P2RX7: variants seen among roughly 807,000 people sequenced by gnomAD.
The protein encoded by P2RX7 is P2X purinoceptor 7.
P2RX7 carries 62 observed loss-of-function variants against 71.6 expected under a neutral mutation model. The observed-to-expected ratio is 0.87, with a 90% confidence interval of 0.71 to 1.07. P2RX7 has a LOEUF of 1.07. Ranked by LOEUF, P2RX7 falls within the 50% of genes least tolerant of loss-of-function variation. The probability of loss-of-function intolerance (pLI) is 0.00; values close to 1 mark genes in which losing one functional copy is unlikely to be tolerated. For missense variants in P2RX7, 686 were observed against 748.5 expected (o/e 0.92, Z 0.97); for synonymous variants, 299 against 283.3 (o/e 1.06, Z -0.56).
intron 1 of P2RX7, among the ~76,000 whole-genome samples, chr12:121,137,320 C>T (rs1873914478): frequency 6.6e-6 from 1 of 152,110 alleles, no homozygotes; most frequent in Non-Finnish European, 1.5e-5. Context: ...TCACCTTCAC[C>T]TGGAGCAAAA....
At chr12:121,166,500 T>C (rs1325366833) in intron 7 of P2RX7, among the ~76,000 whole-genome samples, 1 of 152,186 alleles carries the variant, frequency 6.6e-6, no homozygotes, top group African/African-American at 2.4e-5. Flanking sequence ...TGATTTTCCC[T>C]GAGCCAGGGC....
intron 1 of P2RX7, among the ~76,000 whole-genome samples, chr12:121,150,174 C>A (rs931028460): frequency 3.9e-5 from 6 of 152,082 alleles, no homozygotes; most frequent in African/African-American, 1.4e-4. Context: ...TCACAGTATC[C>A]CCCCCGACAG....
At chr12:121,169,986 C>G (rs1363511371) in intron 8 of P2RX7, among the ~76,000 whole-genome samples, 1 of 152,058 alleles carries the variant, frequency 6.6e-6, no homozygotes, top group East Asian at 1.9e-4. Flanking sequence ...CATCACTGTC[C>G]CCGCCACTCC....
chr12:121,145,201 A>G (rs558561770), intron 1 of P2RX7, among the ~76,000 whole-genome samples: 19 of 152,298 alleles, frequency 1.2e-4, no homozygotes, highest in Middle Eastern at 3.4e-3. Flanking sequence ...GAAGTCCCCA[A>G]AAGATTCTGA....
chr12:121,163,720 A>G (rs570385812), intron 5 of P2RX7, among the ~76,000 whole-genome samples: 1 of 152,182 alleles, frequency 6.6e-6, no homozygotes, highest in Non-Finnish European at 1.5e-5. Flanking sequence ...GGCCTCCCAA[A>G]GTGCTGGGGT....
At chr12:121,163,358 G>GCACACACGCACA (rs1491129143) in intron 5 of P2RX7, among the ~76,000 whole-genome samples, 71 of 100,542 alleles carry the variant, frequency 7.1e-4, no homozygotes, top group Middle Eastern at 5.3e-3. Context: ...ACACACACAC[G>GCACACACGCACA]CACACACACA....
chr12:121,139,649 C>G (rs779475636), intron 1 of P2RX7, among the ~76,000 whole-genome samples: 2 of 152,054 alleles, frequency 1.3e-5, no homozygotes, highest in Non-Finnish European at 2.9e-5. Flanking sequence ...GAAGTGAGCC[C>G]AGCACAGAGG....
intron 1 of P2RX7, among the ~76,000 whole-genome samples, chr12:121,141,267 G>A (rs1265657123): frequency 6.6e-6 from 1 of 152,224 alleles, no homozygotes; most frequent in African/African-American, 2.4e-5. Flanking sequence ...ATGAAAAGCT[G>A]CCTCCGCATC....
In P2RX7 at chr12:121,186,480, G is replaced by A. The variant is rs1209438715; in HGVS notation, c.*1678G>A. 1 of 152,158 alleles carries A rather than the reference G, an allele frequency of 6.6e-6. No individual in the cohort carries two copies. The highest frequency in any genetic ancestry group is 2.4e-5 in the African/African-American group (1 of 41,418). The allele number at this position is 152,158 out of a possible 1,614,324, so 9.4% of individuals were successfully genotyped here. Reference sequence around the variant, plus strand: ...GGTTTCCACTGGACAGTTCTAGAAGGGCTATAGACCAAATCAGGTAACTCA... The same window carrying A: ...GGTTTCCACTGGACAGTTCTAGAAGAGCTATAGACCAAATCAGGTAACTCA... On this transcript the variant is annotated 3_prime_UTR_variant, in exon 13 of 13. Coordinates refer to ENST00000328963, the MANE Select transcript of P2RX7 (RefSeq NM_002562.6).
intron 12 of P2RX7, among the ~76,000 whole-genome samples, chr12:121,183,679 CAT>C (rs1284650277): frequency 2.6e-5 from 4 of 151,928 alleles, no homozygotes; most frequent in African/African-American, 7.3e-5. Context: ...ATAAGGGAAT[CAT>C]GTGGGAGAAA....
At chr12:121,145,106 C>T (rs897847860) in intron 1 of P2RX7, among the ~76,000 whole-genome samples, 1 of 152,150 alleles carries the variant, frequency 6.6e-6, no homozygotes, top group African/African-American at 2.4e-5. Flanking sequence ...GTGCAACCGA[C>T]CAGCAAGAGA....
intron 3 of P2RX7, among the ~76,000 whole-genome samples, chr12:121,160,488 T>G (rs1259083306): frequency 1.3e-5 from 2 of 152,128 alleles, no homozygotes; most frequent in Non-Finnish European, 2.9e-5. Context: ...AAACCCCAAA[T>G]CCAGTAGCAG....
chr12:121,152,711 T>C (rs2136034410), intron 1 of P2RX7, among the ~76,000 whole-genome samples: 1 of 152,310 alleles, frequency 6.6e-6, no homozygotes, highest in South Asian at 2.1e-4. Flanking sequence ...AGAGATGAGG[T>C]TTCACCATAT....
chr12:121,147,865 G>A (rs1417112507), intron 1 of P2RX7, among the ~76,000 whole-genome samples: 4 of 151,770 alleles, frequency 2.6e-5, no homozygotes, highest in South Asian at 4.2e-4. Context: ...TGCCTGCCTC[G>A]GCCTCCCAGA....
At chr12:121,175,598 C>A in intron 9 of P2RX7, 120 bp downstream of exon 9, 1 of 642,652 alleles carries the variant, frequency 1.6e-6, no homozygotes. Context: ...CTGGGCATTT[C>A]GCACATGGGA....
At chr12:121,164,676 G>A (rs1383795667) in intron 5 of P2RX7, among the ~76,000 whole-genome samples, 1 of 152,176 alleles carries the variant, frequency 6.6e-6, no homozygotes, top group East Asian at 1.9e-4. Flanking sequence ...CGGCTACTCG[G>A]GAGGCTGAGG....
At position 121,141,067 on chromosome 12, in the gene P2RX7, CAG is replaced by C. The variant is rs1409311222; in HGVS notation, c.125+7975_125+7976del. Among the ~76,000 whole-genome samples, 4 of 152,158 alleles carry C rather than the reference CAG, an allele frequency of 2.6e-5. No individual in the cohort carries two copies. In the East Asian group the frequency reaches 7.7e-4, roughly 29 times the overall value. On this transcript the variant is annotated intron_variant, in intron 1 of 12. Coordinates refer to ENST00000328963, the MANE Select transcript of P2RX7 (RefSeq NM_002562.6). ...CACCACTGCACTCCAGCCTGGGCAA[CAG>C]AGTGAGACCCCATAAATAAATAAAT...
At chr12:121,163,593 ACAGG>A (rs1298143949) in intron 5 of P2RX7, among the ~76,000 whole-genome samples, 2 of 65,308 alleles carry the variant, frequency 3.1e-5, no homozygotes, top group Non-Finnish European at 6.3e-5. Flanking sequence ...AGATAGATAG[ACAGG>A]TAGATAGATA....
In P2RX7 at chr12:121,167,667, G is replaced by A. The variant is rs201688965; in HGVS notation, c.881+43G>A. 398 of 1,477,450 alleles carry A rather than the reference G, an allele frequency of 2.7e-4. 1 individual carries two copies. Among genetic ancestry groups the A allele is most frequent in the Non-Finnish European group, 3.3e-4 (365 of 1,110,518 alleles). The allele number at this position is 1,477,450 out of a possible 1,614,324, so 91.5% of individuals were successfully genotyped here. ...GTCAAACTCACCCAGTGGCTGAATC[G>A]CATTCCCAGGAACTGGTGAGACTAA... On this transcript the variant is annotated intron_variant, in intron 8 of 12. Transcript: ENST00000328963.
Sources: gnomAD v4.1 joint callset for allele counts (sites outside exome capture counted in the v4.1 genomes callset) on GRCh38, gnomAD v4.1.1 for gene constraint, MANE v1.5 for transcripts, NCBI Gene and HGNC (gene_info 2026-07-23, HGNC 2026-07-21) for gene names.